The following ULK2 variants were observed in gnomAD, a reference collection of about 807,000 sequenced individuals.
ULK2 encodes the protein unc-51 like autophagy activating kinase 2.
In ULK2, 76 loss-of-function variants were observed where a neutral mutation model predicts 127.5. The ratio of observed to expected loss-of-function variants is 0.60; its 90% CI spans 0.50 to 0.72. The LOEUF (loss-of-function observed/expected upper bound fraction) is 0.72. Ranked by LOEUF, ULK2 falls within the 30% of genes least tolerant of loss-of-function variation. The probability of loss-of-function intolerance (pLI) is 0.00; values close to 1 mark genes in which losing one functional copy is unlikely to be tolerated. For missense variants in ULK2, 1,144 were observed against 1,295.9 expected, an observed-to-expected ratio of 0.88 and a Z score of 1.80; for synonymous variants, 452 against 461.9, an observed-to-expected ratio of 0.98 and a Z score of 0.28.
chr17:19,795,687 T>C lies in ULK2; in HGVS notation c.2036A>G (p.Lys679Arg). The change falls in exon 20 of 27, where the codon AAG (lysine) becomes AGG (arginine). Residue 679 changes from lysine (K) to arginine (R), a missense_variant. Around this residue, in one of 2 missense-constraint regions of ULK2, gnomAD observed 913 missense variants for 970.5 expected, o/e 0.94. Coordinates refer to ENST00000395544, the MANE Select transcript of ULK2 (RefSeq NM_014683.4). The stretch of plus-strand genomic sequence containing the variant: ...GCCCTGATGTCGACATATAGGAGTC[T>C]TTCCTTGTTGATCTGATAACTTCCC... Reference protein sequence around the residue: ...STGKLSDQQGKTPICRHQGST... With the variant: ...STGKLSDQQGRTPICRHQGST... The C allele has an allele frequency of 1.2e-6, 2 of 1,614,130 alleles. No individual in the cohort carries two copies. Among genetic ancestry groups the C allele is most frequent in the Non-Finnish European group, 1.7e-6 (2 of 1,180,016 alleles).
intron 22 of ULK2, 45 bp downstream of exon 22, chr17:19,783,652 T>A (rs1334202391): frequency 1.4e-6 from 2 of 1,379,378 alleles, no homozygotes; most frequent in African/African-American, 3.0e-5. Flanking sequence ...AATGTTCTCA[T>A]ATCAAATCAA....
At chr17:19,787,822 A>G (rs1203595169) in intron 20 of ULK2, among the ~76,000 whole-genome samples, 5 of 152,198 alleles carry the variant, frequency 3.3e-5, no homozygotes, top group Non-Finnish European at 7.3e-5. Context: ...GAGGGTAGGA[A>G]AGGCAGTCTT....
rs533565122 is a variant in ULK2 at position 19,824,167 on chromosome 17, T to C, written c.924+927A>G. Among the ~76,000 whole-genome samples, 6 of 152,184 alleles carry C rather than the reference T, an allele frequency of 3.9e-5. No homozygotes were observed. The South Asian group carries it at 1.0e-3, about 26-fold the overall frequency. On this transcript the variant is annotated intron_variant, in intron 12 of 26. Coordinates refer to ENST00000395544, the MANE Select transcript of ULK2 (RefSeq NM_014683.4). ...CTTTCTGCCAGCGGCATTCAAGAAA[T>C]TGATGTCTGGGGCAGGGTGCCGTGG...
chr17:19,845,129 A>G (rs1455804796), intron 7 of ULK2, among the ~76,000 whole-genome samples, 175 bp downstream of exon 7: 1 of 152,248 alleles, frequency 6.6e-6, no homozygotes, highest in East Asian at 1.9e-4. Flanking sequence ...ACAGTCCACT[A>G]TGCTAAGGCA....
intron 3 of ULK2, among the ~76,000 whole-genome samples, chr17:19,862,476 TTTTG>T (rs575903712): frequency 2.6e-4 from 40 of 152,182 alleles, no homozygotes; most frequent in Non-Finnish European, 5.4e-4. Context: ...AATTTTTTTT[TTTTG>T]TTTGAGATGG....
intron 7 of ULK2, among the ~76,000 whole-genome samples, chr17:19,844,380 T>C (rs281352): frequency 0.056 from 8,453 of 152,218 alleles, 400 homozygotes; most frequent in East Asian, 0.24. Context: ...TGCCTCAGCC[T>C]CCCAAGTAGC....
intron 3 of ULK2, among the ~76,000 whole-genome samples, chr17:19,857,689 T>TCTA (rs1260528235): frequency 2.6e-5 from 4 of 152,208 alleles, no homozygotes; most frequent in Non-Finnish European, 4.4e-5. Context: ...CTCAGAGTGC[T>TCTA]CTAGGAGATT....
chr17:19,867,213 A>G (rs2042370925), intron 1 of ULK2, 115 bp downstream of exon 1: 1 of 753,606 alleles, frequency 1.3e-6, no homozygotes, highest in Non-Finnish European at 2.0e-6. Context: ...GCACAATAGC[A>G]TACCCGGGCG....
chr17:19,857,221 T>C (rs965161099), intron 3 of ULK2, among the ~76,000 whole-genome samples: 1 of 151,206 alleles, frequency 6.6e-6, no homozygotes, highest in African/African-American at 2.4e-5. Flanking sequence ...GCAGGGAGAA[T>C]TGCTTGAACC....
Position 19,804,916 on chromosome 17 carries a change from A to T in ULK2, c.1158-86T>A. ...TGACCCATTAGTTATATTTAGAGAA[A>T]ATTCCAGAAAGAGCCAAATGGTCAC... is the stretch of plus-strand genomic sequence containing the variant. On this transcript the variant is annotated intron_variant, in intron 14 of 26. Coordinates refer to ENST00000395544, the MANE Select transcript of ULK2 (RefSeq NM_014683.4). 2.0e-6 allele frequency: 3 copies of T among 1,472,930 alleles called. No individual in the cohort carries two copies. In the Admixed American group the frequency reaches 6.4e-5, roughly 32 times the overall value. 91.2% of individuals were successfully genotyped at this position (1,472,930 alleles called of 1,614,324 possible).
chr17:19,785,447 A>C (rs2087008286), intron 21 of ULK2, among the ~76,000 whole-genome samples: 1 of 152,010 alleles, frequency 6.6e-6, no homozygotes, highest in African/African-American at 2.4e-5. Flanking sequence ...TCCTGGCCTC[A>C]AGTGATCTGC....
At chr17:19,787,461 T>C (rs927206940) in intron 20 of ULK2, among the ~76,000 whole-genome samples, 2 of 152,120 alleles carry the variant, frequency 1.3e-5, no homozygotes, top group African/African-American at 2.4e-5. Flanking sequence ...CAGAAATATA[T>C]TTGATAATAA....
chr17:19,795,069 A>C (rs577585296), intron 20 of ULK2, among the ~76,000 whole-genome samples: 29 of 151,866 alleles, frequency 1.9e-4, no homozygotes, highest in Non-Finnish European at 3.1e-4. Flanking sequence ...ACTGAGCGAG[A>C]CTTCATCTCC....
Position 19,829,704 on chromosome 17 carries a change from C to T in ULK2, c.788-3518G>A, listed in dbSNP as rs2041389270. Among the ~76,000 whole-genome samples, 3 of 150,244 alleles carry T rather than the reference C, an allele frequency of 2.0e-5. No homozygotes were observed. The South Asian group carries it at 6.4e-4, about 32-fold the overall frequency. ...TATAAAAATTAGCTGGGCATGGTGG[C>T]AGGCACCTGTAGTCCCAGCTACTTG... On this transcript the variant is annotated intron_variant, in intron 10 of 26. Transcript: ENST00000395544.
Position 19,771,888 on chromosome 17 carries a change from A to G in ULK2, c.*4461T>C, listed in dbSNP as rs2086740683. The G allele has an allele frequency of 6.6e-6, 1 of 152,284 alleles. No homozygotes were observed. The highest frequency in any genetic ancestry group is 1.5e-5 in the Non-Finnish European group (1 of 68,082). The allele number at this position is 152,284 out of a possible 1,614,324, so 9.4% of individuals were successfully genotyped here. A position where few individuals can be genotyped will look rare whatever the true frequency, so the allele number is the denominator to read the frequency against. On this transcript the variant is annotated 3_prime_UTR_variant, in exon 27 of 27. Coordinates refer to ENST00000395544, the MANE Select transcript of ULK2 (RefSeq NM_014683.4). ...TAATGACAGAAGCTAACTGTCCAAG[A>G]GCACGACTGTCTTGGGACAGGAGAT...
At position 19,776,354 on chromosome 17, in the gene ULK2, C is replaced by T. The variant is rs750581814; in HGVS notation, c.3106G>A (p.Val1036Met). 1.4e-5 allele frequency: 22 copies of T among 1,604,612 alleles called. No homozygotes were observed. Among genetic ancestry groups the T allele is most frequent in the Non-Finnish European group, 1.6e-5 (19 of 1,175,816 alleles). Reference sequence around the variant, plus strand: ...CCACGGGATGAGCCTGCTGCTCACACGGTTGCGGTGCTATGGCAGAGCGCC... The same window carrying T: ...CCACGGGATGAGCCTGCTGCTCACATGGTTGCGGTGCTATGGCAGAGCGCC... ...LSALCHSTAT[V>M] The change falls in exon 27 of 27, where the codon GTG (valine) becomes ATG (methionine). Residue 1036 changes from valine (V) to methionine (M), a missense_variant. Val to Met is a conservative substitution (Grantham distance 21). This residue lies in a region of ULK2 where 913 missense variants were observed against 970.5 expected (regional missense o/e 0.94). Transcript: ENST00000395544.
At chr17:19,804,902 T>G (rs1272026173) in intron 14 of ULK2, 72 bp from the exon 15 acceptor site, 1 of 1,514,270 alleles carries the variant, frequency 6.6e-7, no homozygotes, top group African/African-American at 1.4e-5. Flanking sequence ...GACCCATTAG[T>G]TATATTTAGA....
intron 3 of ULK2, among the ~76,000 whole-genome samples, chr17:19,858,606 G>T (rs1434704550): frequency 6.6e-6 from 1 of 151,942 alleles, no homozygotes; most frequent in Admixed American, 6.6e-5. Context: ...ACAGCAATGG[G>T]AACGTCACAG....
chr17:19,843,110 A>C lies in ULK2; in HGVS notation c.645+11T>G, dbSNP rs755649625. ...CCCAAAACTGAGGACATAAGAAAAA[A>C]GTCAGCCTACCTGAAAAGGTGGTTT... On this transcript the variant is annotated intron_variant, in intron 8 of 26. Coordinates refer to ENST00000395544, the MANE Select transcript of ULK2 (RefSeq NM_014683.4). 4 of 1,605,760 alleles carry C rather than the reference A, an allele frequency of 2.5e-6. No homozygotes were observed. The highest frequency in any genetic ancestry group is 3.4e-6 in the Non-Finnish European group (4 of 1,172,570).
Sources: allele counts gnomAD v4.1 joint callset (sites outside exome capture counted in the v4.1 genomes callset), GRCh38; gene constraint gnomAD v4.1.1; regional missense constraint gnomAD v4.1.1; transcripts MANE v1.5; gene names NCBI Gene and HGNC (gene_info 2026-07-23, HGNC 2026-07-21).